PARG: variants seen among roughly 807,000 people sequenced by gnomAD.
The protein encoded by PARG is mitochondrial poly(ADP-ribose) glycohydrolase.
A neutral mutation model predicts 113.0 loss-of-function variants in PARG; 35 were observed. That is an observed-to-expected ratio of 0.31 (90% CI 0.24 to 0.41). The LOEUF is 0.41. Among genes scored for constraint, PARG ranks in the 10% least tolerant of loss-of-function variants. The pLI is 1.00. For missense variants in PARG, 797 were observed against 1,169.4 expected (o/e 0.68, Z 4.64); for synonymous variants, 330 against 409.9 (o/e 0.81, Z 2.36).
intron 1 of PARG, among the ~76,000 whole-genome samples, chr10:49,939,177 C>T (rs1286774459): frequency 6.6e-6 from 1 of 152,170 alleles, no homozygotes. Context: ...TGAAGTTCAC[C>T]TTCAGTTCTC....
At chr10:49,840,301 T>C (rs1166265453) in intron 15 of PARG, among the ~76,000 whole-genome samples, 1 of 150,854 alleles carries the variant, frequency 6.6e-6, no homozygotes, top group East Asian at 2.0e-4. Context: ...GATGGGAGGA[T>C]CACCTGAGCC....
chr10:49,869,343 G>A (rs1488281651), intron 10 of PARG, 133 bp downstream of exon 10: 17 of 667,726 alleles, frequency 2.5e-5, no homozygotes, highest in Non-Finnish European at 3.6e-5. Context: ...TTATATTGTC[G>A]CATCATTACT....
intron 7 of PARG, among the ~76,000 whole-genome samples, chr10:49,891,609 ATATATATATATATATTTT>A (rs1447626375): frequency 2.2e-5 from 1 of 46,286 alleles, no homozygotes; most frequent in African/African-American, 1.3e-4. Flanking sequence ...ATATATATAT[ATATATATATATATATTTT>A]TTTTTTTTTT....
chr10:49,882,279 G>T (rs1392693048), intron 8 of PARG, among the ~76,000 whole-genome samples: 1 of 150,566 alleles, frequency 6.6e-6, no homozygotes, highest in East Asian at 2.0e-4. Context: ...AAAAGTTCCT[G>T]ACCAAATTTG....
At chr10:49,856,889 A>T (rs1332959736) in intron 13 of PARG, among the ~76,000 whole-genome samples, 2 of 151,228 alleles carry the variant, frequency 1.3e-5, no homozygotes, top group Non-Finnish European at 2.9e-5. Flanking sequence ...CATGCCTGTA[A>T]TCCCAGCTAC....
intron 16 of PARG, among the ~76,000 whole-genome samples, chr10:49,829,475 T>A (rs1844546965): frequency 6.7e-6 from 1 of 148,866 alleles, no homozygotes; most frequent in South Asian, 2.1e-4. Flanking sequence ...CCATGAACAT[T>A]TTTTATAAGA....
intron 8 of PARG, among the ~76,000 whole-genome samples, chr10:49,884,596 T>C (rs1847372050): frequency 6.6e-6 from 1 of 151,658 alleles, no homozygotes; most frequent in Non-Finnish European, 1.5e-5. Flanking sequence ...CCGGGTATGG[T>C]GGTACATGCC....
chr10:49,883,580 CAT>C (rs1290135642), intron 8 of PARG, among the ~76,000 whole-genome samples: 2 of 148,336 alleles, frequency 1.3e-5, no homozygotes, highest in Admixed American at 1.3e-4. Context: ...GGGCGGATCA[CAT>C]GAGGTCAGGA....
At chr10:49,932,365 G>A in intron 3 of PARG, 82 bp from the exon 4 acceptor site, 3 of 822,262 alleles carry the variant, frequency 3.6e-6, no homozygotes, top group Non-Finnish European at 6.4e-6. Context: ...AACTTACCCA[G>A]ACGTTATTGT....
At chr10:49,919,022 C>T (rs1167386398) in intron 6 of PARG, among the ~76,000 whole-genome samples, 30 of 151,990 alleles carry the variant, frequency 2.0e-4, no homozygotes, top group African/African-American at 6.5e-4. Flanking sequence ...CTCACTGCAA[C>T]CTCTGCCTCC....
chr10:49,935,054 C>T (rs1367071237), intron 2 of PARG, 22 bp downstream of exon 2: 2 of 710,506 alleles, frequency 2.8e-6, no homozygotes, highest in East Asian at 2.7e-5. Flanking sequence ...ATTCATTTCT[C>T]TACATAGGAA....
chr10:49,865,738 ATGTATAAC>A (rs1846481321), intron 10 of PARG, among the ~76,000 whole-genome samples: 1 of 150,932 alleles, frequency 6.6e-6, no homozygotes, highest in Non-Finnish European at 1.5e-5. Context: ...GAAAAAAAGG[ATGTATAAC>A]TGGTACAGCT....
chr10:49,834,080 T>G (rs1554830733), intron 15 of PARG, among the ~76,000 whole-genome samples: 1 of 152,194 alleles, frequency 6.6e-6, no homozygotes, highest in Non-Finnish European at 1.5e-5. Flanking sequence ...AGATCATTAT[T>G]CAACACTGTG....
At chr10:49,916,310 A>C (rs1588984786) in intron 6 of PARG, among the ~76,000 whole-genome samples, 2 of 152,150 alleles carry the variant, frequency 1.3e-5, no homozygotes, top group East Asian at 1.9e-4. Context: ...TAAAAAATAA[A>C]CTTAGTTATC....
intron 7 of PARG, among the ~76,000 whole-genome samples, chr10:49,889,397 T>G (rs1847658619): frequency 6.6e-6 from 1 of 152,134 alleles, no homozygotes; most frequent in African/African-American, 2.4e-5. Flanking sequence ...GGGTAAAAAT[T>G]CATGTTCCCC....
chr10:49,857,495 C>T (rs199917969), intron 12 of PARG, 42 bp from the exon 13 acceptor site: 86 of 1,511,626 alleles, frequency 5.7e-5, no homozygotes, highest in Non-Finnish European at 7.0e-5. Flanking sequence ...GTCAAAAATA[C>T]CTACACATAT....
At chr10:49,903,941 T>G (rs1467433637) in intron 7 of PARG, among the ~76,000 whole-genome samples, 1 of 152,184 alleles carries the variant, frequency 6.6e-6, no homozygotes, top group African/African-American at 2.4e-5. Flanking sequence ...GCATGAAGGA[T>G]GGATTTGAAG....
chr10:49,920,770 T>G (rs1344531868), intron 6 of PARG, among the ~76,000 whole-genome samples: 1 of 151,916 alleles, frequency 6.6e-6, no homozygotes, highest in Non-Finnish European at 1.5e-5. Context: ...TTGCTTTTTG[T>G]AGCTGTGAGC....
At chr10:49,927,877 A>G (rs1477907220) in intron 4 of PARG, among the ~76,000 whole-genome samples, 2 of 151,644 alleles carry the variant, frequency 1.3e-5, no homozygotes, top group African/African-American at 2.4e-5. Context: ...GATTGCTTGA[A>G]CCTAAGAGTT....
Sources: allele counts gnomAD v4.1 joint callset (sites outside exome capture counted in the v4.1 genomes callset), GRCh38; gene constraint gnomAD v4.1.1; transcripts MANE v1.5; gene names NCBI Gene and HGNC (gene_info 2026-07-23, HGNC 2026-07-21).